Variants in SP7 observed in about 807,000 individuals in gnomAD.
The protein encoded by SP7 is Sp7 transcription factor.
In SP7, 13 loss-of-function variants were observed where a neutral mutation model predicts 27.9. The observed-to-expected ratio is 0.47, with a 90% confidence interval of 0.30 to 0.74. The LOEUF (loss-of-function observed/expected upper bound fraction) is 0.74, where lower values mean the gene tolerates loss of function less well. Among genes scored for constraint, SP7 ranks in the 30% least tolerant of loss-of-function variants. The probability of loss-of-function intolerance (pLI) is 0.06; values close to 1 mark genes in which losing one functional copy is unlikely to be tolerated. For synonymous variants in SP7, 219 were observed against 226.7 expected (o/e 0.97, Z 0.31); for missense variants, 525 against 558.0 (o/e 0.94, Z 0.60).
upstream of SP7, among the ~76,000 whole-genome samples, chr12:53,340,526 T>A (rs1944814033): frequency 6.6e-6 from 1 of 152,156 alleles, no homozygotes; most frequent in South Asian, 2.1e-4. Context: ...TCCCTGGTCC[T>A]GGGGAACCCC....
At position 53,328,532 on chromosome 12, in the gene SP7, C is replaced by T; in HGVS notation, c.910G>A (p.Val304Met). 1 of 1,613,198 alleles carries T rather than the reference C, an allele frequency of 6.2e-7. No individual in the cohort carries two copies. Among genetic ancestry groups the T allele is most frequent in the Non-Finnish European group, 8.5e-7 (1 of 1,179,292 alleles). ...TTCAGGTGCGAAGCCTTGCCATACACCTTGCCGCAGCCAGGGATGTGGCAG... is the reference window on the plus strand; with the variant it reads ...TTCAGGTGCGAAGCCTTGCCATACATCTTGCCGCAGCCAGGGATGTGGCAG... ...HSCHIPGCGKVYGKASHLKAH... is the reference protein window; with the variant it reads ...HSCHIPGCGKMYGKASHLKAH... The change falls in exon 3 of 3, where the codon GTG (valine) becomes ATG (methionine). Residue 304 changes from valine (V) to methionine (M), a missense_variant. Physicochemically the swap from Val to Met is conservative, Grantham distance 21 (BLOSUM62 1). Coordinates refer to ENST00000536324, the MANE Select transcript of SP7 (RefSeq NM_001173467.3). The surrounding 1 kb of genome is among the most constrained non-coding windows in gnomAD (Gnocchi z 5.1).
chr12:53,336,542 C>T (rs750134129), upstream of SP7, among the ~76,000 whole-genome samples: 1 of 152,064 alleles, frequency 6.6e-6, no homozygotes, highest in Non-Finnish European at 1.5e-5. Context: ...TGCATGCACA[C>T]GTACACACAG....
upstream of SP7, among the ~76,000 whole-genome samples, chr12:53,338,724 A>G (rs1459482155): frequency 1.3e-5 from 2 of 152,222 alleles, no homozygotes; most frequent in East Asian, 1.9e-4. Flanking sequence ...GAGTCCCAGG[A>G]AGATGTGAGC....
Position 53,328,852 on chromosome 12 carries a change from G to T in SP7, c.590C>A (p.Thr197Asn). 1.9e-6 allele frequency: 3 copies of T among 1,603,844 alleles called. No homozygotes were observed. Among genetic ancestry groups the T allele is most frequent in the Non-Finnish European group, 2.6e-6 (3 of 1,172,604 alleles). ...AQPPLNPQLP[T>N]YPSDFAPLNP... is the part of the protein sequence containing the mutation. ...AAGGGGAGCAAAGTCAGATGGGTAG[G>T]TGGGCAGCTGGGGGTTCAGTGGAGG... is the stretch of plus-strand genomic sequence containing the variant. Residue 197 changes from threonine to asparagine, a missense_variant, in exon 3 of 3, where the codon ACC (threonine) becomes AAC (asparagine). Transcript: ENST00000536324. The surrounding 1 kb of genome is among the most constrained non-coding windows in gnomAD (Gnocchi z 5.1).
chr12:53,327,944 C>A lies in SP7; in HGVS notation c.*202G>T. 1.8e-6 allele frequency: 1 copy of A among 558,204 alleles called. No homozygotes were observed. The highest frequency in any genetic ancestry group is 3.1e-6 in the Non-Finnish European group (1 of 322,488). The allele number at this position is 558,204 out of a possible 1,614,324, so 34.6% of individuals were successfully genotyped here. Reference sequence around the variant, plus strand: ...GCCTGAGATGAGAGTTTGTGGAAAGCCAGTCTCATGGTGAAGAGAGAAGGT... The same window carrying A: ...GCCTGAGATGAGAGTTTGTGGAAAGACAGTCTCATGGTGAAGAGAGAAGGT... On this transcript the variant is annotated 3_prime_UTR_variant, in exon 3 of 3. Coordinates refer to ENST00000536324, the MANE Select transcript of SP7 (RefSeq NM_001173467.3).
chr12:53,337,471 G>C (rs1359762508), upstream of SP7, among the ~76,000 whole-genome samples: 2 of 152,198 alleles, frequency 1.3e-5, no homozygotes, highest in Admixed American at 6.5e-5. Context: ...CTCTCCCACA[G>C]GGGGGCTTAG....
intron 2 of SP7, among the ~76,000 whole-genome samples, chr12:53,335,010 C>A (rs933706240): frequency 3.9e-5 from 6 of 152,196 alleles, no homozygotes; most frequent in Non-Finnish European, 7.3e-5. Flanking sequence ...TTGGTTCCCT[C>A]ACAGGCCTGG....
chr12:53,344,756 TCAGGGCCGCCGGGGATCTCGCCTC>T lies in SP7; in HGVS notation c.-34+334_-34+357del, dbSNP rs565015232. Among the ~76,000 whole-genome samples the T allele has an allele frequency of 4.1e-3, 621 of 151,988 alleles. 6 individuals are homozygous for T. Among genetic ancestry groups the T allele is most frequent in the African/African-American group, 0.014 (597 of 41,484 alleles). ...AGGTCTCTTGCGGCCTAGGCCAGGC[TCAGGGCCGCCGGGGATCTCGCCTC>T]CATCCCGTGCCTCAGTGTCCCGGCG... On this transcript the variant is annotated intron_variant, in intron 1 of 1. Coordinates refer to the SP7 transcript ENST00000547755. The surrounding 1 kb of genome is among the most constrained non-coding windows in gnomAD (Gnocchi z 4.6).
rs1214922860 is a variant in SP7 at position 53,328,947 on chromosome 12, G to A, written c.495C>T (p.Gly165=). The A allele has an allele frequency of 6.2e-7, 1 of 1,611,498 alleles. No individual in the cohort carries two copies. Among genetic ancestry groups the A allele is most frequent in the Non-Finnish European group, 8.5e-7 (1 of 1,178,724 alleles). ...GGCCCTGCCCACCACCTAGCCAGTT[G>A]CCTCCAGGGTGCATATCCCACCATG... ...PTPWWDMHPG[G]NWLGGGQGQG... is the part of the protein sequence containing the mutation. The change falls in exon 3 of 3, where the codon GGC becomes GGT. Residue 165 remains glycine, a synonymous_variant. Transcript: ENST00000536324. The surrounding 1 kb of genome is among the most constrained non-coding windows in gnomAD (Gnocchi z 5.1).
In SP7 at chr12:53,329,069, C is replaced by T; in HGVS notation, c.373G>A (p.Val125Ile). 5 of 1,613,810 alleles carry T rather than the reference C, an allele frequency of 3.1e-6. No homozygotes were observed. The highest frequency in any genetic ancestry group is 3.4e-6 in the Non-Finnish European group (4 of 1,179,872). Residue 125 changes from valine (V) to isoleucine (I), a missense_variant, in exon 3 of 3, where the codon GTC (valine) becomes ATC (isoleucine). Physicochemically the swap from Val to Ile is conservative, Grantham distance 29. Coordinates refer to ENST00000536324, the MANE Select transcript of SP7 (RefSeq NM_001173467.3). ...GHSSSDCLPS[V>I]YTSLDMTHPY... ...TGTGTCATGTCCAGAGAGGTGTAGACACTGGGCAGACAGTCAGAAGAGCTG... is the reference window on the plus strand; with the variant it reads ...TGTGTCATGTCCAGAGAGGTGTAGATACTGGGCAGACAGTCAGAAGAGCTG...
chr12:53,328,060 G>A lies in SP7; in HGVS notation c.*86C>T. The A allele has an allele frequency of 7.4e-7, 1 of 1,359,424 alleles. No individual in the cohort carries two copies. Among genetic ancestry groups the A allele is most frequent in the Non-Finnish European group, 9.9e-7 (1 of 1,012,080 alleles). The allele number at this position is 1,359,424 out of a possible 1,614,324, so 84.2% of individuals were successfully genotyped here. On this transcript the variant is annotated 3_prime_UTR_variant, in exon 3 of 3. Coordinates refer to ENST00000536324, the MANE Select transcript of SP7 (RefSeq NM_001173467.3). This position sits in a 1 kb window ranked among gnomAD's most constrained non-coding sequence, Gnocchi z 5.1. The stretch of plus-strand genomic sequence containing the variant: ...AGCCCCGAAGGATGGCATGCATGGG[G>A]TAAAGAGAGTGATTGGCAAGCAGTG...
intron 2 of SP7, among the ~76,000 whole-genome samples, chr12:53,333,933 A>G (rs1299115673): frequency 6.6e-6 from 1 of 152,166 alleles, no homozygotes; most frequent in Non-Finnish European, 1.5e-5. Flanking sequence ...TCCTTTCGCC[A>G]TGCACTATCC....
At position 53,328,394 on chromosome 12, in the gene SP7, G is replaced by A. The variant is rs777060888; in HGVS notation, c.1048C>T (p.Arg350Trp). The A allele has an allele frequency of 9.9e-6, 16 of 1,613,780 alleles. No individual in the cohort carries two copies. The highest frequency in any genetic ancestry group is 8.3e-5 in the Admixed American group (5 of 60,008). ...AGCAGGCAGGTGAACTTCTTCTCCC[G>A]GGTGTGAGTGCGCACATGACGCTCC... ...ELERHVRTHT[R>W]EKKFTCLLCS... Residue 350 changes from arginine (R) to tryptophan (W), a missense_variant, in exon 3 of 3, where the codon CGG becomes TGG. Transcript: ENST00000536324. This position sits in a 1 kb window ranked among gnomAD's most constrained non-coding sequence, Gnocchi z 5.1.
chr12:53,341,509 A>T (rs1278344513), intron 1 of SP7, among the ~76,000 whole-genome samples: 1 of 152,166 alleles, frequency 6.6e-6, no homozygotes, highest in South Asian at 2.1e-4. Flanking sequence ...CTAGAAAATG[A>T]CCCTTTGTAA....
At chr12:53,334,509 T>A (rs1291094499) in intron 2 of SP7, among the ~76,000 whole-genome samples, 1 of 152,192 alleles carries the variant, frequency 6.6e-6, no homozygotes, top group East Asian at 1.9e-4. Context: ...GGCTTCCTGT[T>A]TGGCCCAGCA....
chr12:53,342,211 C>CA (rs1565795625), intron 1 of SP7, among the ~76,000 whole-genome samples: 1 of 151,902 alleles, frequency 6.6e-6, no homozygotes, highest in East Asian at 1.9e-4. Flanking sequence ...TGCAGTGAGC[C>CA]GAGATTGTGC....
chr12:53,329,771 G>A (rs538863401), intron 2 of SP7, among the ~76,000 whole-genome samples: 21 of 151,966 alleles, frequency 1.4e-4, no homozygotes, highest in East Asian at 3.9e-4. Flanking sequence ...CGCTGTTGTC[G>A]CCCAGGTTGG....
At chr12:53,335,333 TCA>T (rs1227495296) in intron 2 of SP7, among the ~76,000 whole-genome samples, 2 of 138,220 alleles carry the variant, frequency 1.4e-5, no homozygotes, top group African/African-American at 5.4e-5. Flanking sequence ...TTTCCACTCC[TCA>T]CAGTCAGTGT....
chr12:53,340,109 T>G (rs1592538119), upstream of SP7, among the ~76,000 whole-genome samples: 1 of 152,092 alleles, frequency 6.6e-6, no homozygotes, highest in Non-Finnish European at 1.5e-5. Context: ...CATATACAGA[T>G]AATGCTTACC....
Sources: allele counts gnomAD v4.1 joint callset (sites outside exome capture counted in the v4.1 genomes callset), GRCh38; gene constraint gnomAD v4.1.1; non-coding constraint Gnocchi (gnomAD v3.1); transcripts MANE v1.5; gene names NCBI Gene and HGNC (gene_info 2026-07-23, HGNC 2026-07-21).